Variants in ZFHX3 observed in about 807,000 individuals in gnomAD.
ZFHX3 encodes the protein zinc finger homeobox 3.
Under a neutral mutation model 279.1 loss-of-function variants are expected in ZFHX3, and 42 were observed. The ratio of observed to expected loss-of-function variants is 0.15; its 90% confidence interval spans 0.12 to 0.19. The LOEUF (loss-of-function observed/expected upper bound fraction) is 0.19. Among genes scored for constraint, ZFHX3 ranks in the 10% least tolerant of loss-of-function variants. The pLI, the probability that ZFHX3 is intolerant of heterozygous loss-of-function variation, is 1.00. For synonymous variants in ZFHX3, 2,293 were observed against 1,957.8 expected, an observed-to-expected ratio of 1.17 and a Z score of -4.52; for missense variants, 4,981 against 4,754.0, an observed-to-expected ratio of 1.05 and a Z score of -1.40.
chr16:73,634,596 T>C (rs1301493251), intron 2 of ZFHX3, among the ~76,000 whole-genome samples: 1 of 151,994 alleles, frequency 6.6e-6, no homozygotes, highest in Non-Finnish European at 1.5e-5. Flanking sequence ...ATTTAACCCA[T>C]TTTGCACCTA....
intron 1 of ZFHX3, among the ~76,000 whole-genome samples, chr16:73,888,407 C>A (rs1321828828): frequency 6.6e-6 from 1 of 151,862 alleles, no homozygotes; most frequent in Non-Finnish European, 1.5e-5. Context: ...AGATGAGAGA[C>A]AAAGATGATT....
chr16:73,441,247 G>T (rs1256034141), intron 3 of ZFHX3, among the ~76,000 whole-genome samples: 1 of 152,094 alleles, frequency 6.6e-6, no homozygotes, highest in Non-Finnish European at 1.5e-5. Flanking sequence ...CTTAGAGAGA[G>T]GGAGAGAGAG....
intron 2 of ZFHX3, among the ~76,000 whole-genome samples, chr16:73,631,949 A>T (rs2052476262): frequency 7.3e-6 from 1 of 137,742 alleles, no homozygotes; most frequent in Admixed American, 7.6e-5. Context: ...ACACACACAC[A>T]CACACACACA....
chr16:73,353,721 C>A (rs138595385), intron 3 of ZFHX3, among the ~76,000 whole-genome samples: 1 of 151,024 alleles, frequency 6.6e-6, no homozygotes, highest in Non-Finnish European at 1.5e-5. Context: ...ACCCAGTGTG[C>A]GGTGAAAAAT....
chr16:72,896,753 C>T (rs931344625), intron 3 of ZFHX3, among the ~76,000 whole-genome samples: 1 of 152,220 alleles, frequency 6.6e-6, no homozygotes, highest in Non-Finnish European at 1.5e-5. Flanking sequence ...CCTCCTCCTC[C>T]CCAACGATAG....
At chr16:73,101,621 C>T (rs867878640) in intron 7 of ZFHX3, among the ~76,000 whole-genome samples, 22 of 151,768 alleles carry the variant, frequency 1.4e-4, no homozygotes, top group Non-Finnish European at 4.4e-5. Flanking sequence ...AGGCTGGGCT[C>T]GAACTCCTGA....
chr16:73,035,260 C>A (rs565979848), intron 1 of ZFHX3, among the ~76,000 whole-genome samples: 3 of 152,280 alleles, frequency 2.0e-5, no homozygotes, highest in African/African-American at 7.2e-5. Flanking sequence ...TATGAAAATT[C>A]ATTCCACCTG....
intron 5 of ZFHX3, among the ~76,000 whole-genome samples, chr16:73,224,982 T>C (rs1231990400): frequency 6.6e-6 from 1 of 152,190 alleles, no homozygotes; most frequent in African/African-American, 2.4e-5. Flanking sequence ...TATTTCTGTG[T>C]CACCTTCACT....
intron 2 of ZFHX3, among the ~76,000 whole-genome samples, chr16:73,533,453 T>G (rs2019842689): frequency 6.6e-6 from 1 of 150,746 alleles, no homozygotes; most frequent in Non-Finnish European, 1.5e-5. Flanking sequence ...CTTCCTCTCT[T>G]GCATCATCAC....
At chr16:73,474,864 G>A (rs1384794405) in intron 2 of ZFHX3, among the ~76,000 whole-genome samples, 1 of 152,214 alleles carries the variant, frequency 6.6e-6, no homozygotes, top group Non-Finnish European at 1.5e-5. Context: ...GGTAAGAGAT[G>A]AGTGGGTAAA....
At chr16:73,478,821 G>A (rs1031579975) in intron 2 of ZFHX3, among the ~76,000 whole-genome samples, 1 of 152,156 alleles carries the variant, frequency 6.6e-6, no homozygotes, top group Non-Finnish European at 1.5e-5. Context: ...GGGAGGCCCA[G>A]GCAGGAGGAT....
At chr16:73,349,576 GC>G (rs1272506611) in intron 3 of ZFHX3, among the ~76,000 whole-genome samples, 1 of 151,864 alleles carries the variant, frequency 6.6e-6, no homozygotes, top group African/African-American at 2.4e-5. Flanking sequence ...TGGGTAGAGA[GC>G]TTGTCTATCG....
chr16:73,655,565 A>C (rs1263967998), intron 2 of ZFHX3, among the ~76,000 whole-genome samples: 2 of 152,214 alleles, frequency 1.3e-5, no homozygotes, highest in African/African-American at 4.8e-5. Flanking sequence ...TCTAACAAAA[A>C]ATTTATTCCA....
chr16:72,900,173 G>A (rs1261258773), intron 3 of ZFHX3, among the ~76,000 whole-genome samples: 1 of 151,424 alleles, frequency 6.6e-6, no homozygotes, highest in Non-Finnish European at 1.5e-5. Context: ...TGTTTACTGG[G>A]TCTGTTTGCC....
At chr16:73,574,374 C>T (rs1347066842) in intron 2 of ZFHX3, among the ~76,000 whole-genome samples, 1 of 152,018 alleles carries the variant, frequency 6.6e-6, no homozygotes, top group African/African-American at 2.4e-5. Flanking sequence ...GAATCAGAGC[C>T]TACTTTTCAA....
At chr16:73,173,816 G>T (rs939637976) in intron 5 of ZFHX3, among the ~76,000 whole-genome samples, 2 of 152,178 alleles carry the variant, frequency 1.3e-5, no homozygotes, top group Non-Finnish European at 2.9e-5. Context: ...AGAAGTGGGG[G>T]CGCAGGGCAG....
chr16:72,813,351 T>C (rs1048140007), intron 5 of ZFHX3, among the ~76,000 whole-genome samples: 7 of 152,240 alleles, frequency 4.6e-5, no homozygotes, highest in African/African-American at 1.7e-4. Context: ...TTTCCATTTA[T>C]GCTTGGGTTT....
chr16:73,754,202 A>G (rs2053786256), intron 1 of ZFHX3, among the ~76,000 whole-genome samples: 1 of 152,188 alleles, frequency 6.6e-6, no homozygotes, highest in Non-Finnish European at 1.5e-5. Flanking sequence ...ACCGAGCTAC[A>G]AGTATTTCTA....
In ZFHX3 at chr16:72,795,336, T is replaced by C. The variant is rs2035866577; in HGVS notation, c.7346A>G (p.Gln2449Arg). The C allele has an allele frequency of 2.5e-6, 4 of 1,614,110 alleles. No individual in the cohort carries two copies. The East Asian group carries it at 8.9e-5, about 36-fold the overall frequency. The change falls in exon 9 of 10, where the codon CAA (glutamine) becomes CGA (arginine). Residue 2449 changes from glutamine to arginine, a missense_variant. By Grantham distance (43) the Gln-to-Arg change is conservative. Around this residue, in one of 7 missense-constraint regions of ZFHX3, gnomAD observed 744 missense variants for 701.3 expected, o/e 1.06. Coordinates refer to ENST00000268489, the MANE Select transcript of ZFHX3 (RefSeq NM_006885.4). ...QPNQTQEKQGQPKPELQQQEQ... is the reference protein window; with the variant it reads ...QPNQTQEKQGRPKPELQQQEQ... ...TTGCTGCTGCAGCTCTGGCTTTGGTTGTCCTTGCTTTTCTTGGGTTTGGTT... is the reference window on the plus strand; with the variant it reads ...TTGCTGCTGCAGCTCTGGCTTTGGTCGTCCTTGCTTTTCTTGGGTTTGGTT...
Sources: allele counts gnomAD v4.1 joint callset (sites outside exome capture counted in the v4.1 genomes callset), GRCh38; gene constraint gnomAD v4.1.1; regional missense constraint gnomAD v4.1.1; transcripts MANE v1.5; gene names NCBI Gene and HGNC (gene_info 2026-07-23, HGNC 2026-07-21).